Variants in ARHGAP40 observed in about 807,000 individuals in gnomAD.
ARHGAP40 encodes the protein rho GTPase-activating protein 40.
In ARHGAP40, 43 loss-of-function variants were observed where a neutral mutation model predicts 73.5. The ratio of observed to expected loss-of-function variants is 0.58; its 90% CI spans 0.46 to 0.75. The LOEUF is 0.75. Ranked by LOEUF, ARHGAP40 falls within the 30% of genes least tolerant of loss-of-function variation. ARHGAP40 has a pLI of 0.00. For missense variants in ARHGAP40, 734 were observed against 861.8 expected, an observed-to-expected ratio of 0.85 and a Z score of 1.86; for synonymous variants, 300 against 352.8, an observed-to-expected ratio of 0.85 and a Z score of 1.68.
At chr20:38,603,451 A>ATCTGTCTG (rs138035816) in intron 1 of ARHGAP40, among the ~76,000 whole-genome samples, 8 of 150,126 alleles carry the variant, frequency 5.3e-5, no homozygotes, top group Non-Finnish European at 5.9e-5. Flanking sequence ...CTATCTATCT[A>ATCTGTCTG]TCTATCTATC....
intron 3 of ARHGAP40, among the ~76,000 whole-genome samples, chr20:38,628,335 C>T (rs954210032): frequency 6.0e-5 from 9 of 150,572 alleles, no homozygotes; most frequent in South Asian, 2.1e-4. Context: ...GACTGAGCCT[C>T]GCTCTGTCGC....
At chr20:38,649,814 A>C (rs560493158) in exon 15 of ARHGAP40, 2 of 1,305,292 alleles carry the variant, frequency 1.5e-6, no homozygotes, top group Non-Finnish European at 2.0e-6. Context: ...GCCAACCCGC[A>C]TGGTGAGTGG....
intron 1 of ARHGAP40, among the ~76,000 whole-genome samples, chr20:38,608,968 G>T (rs2088789105): frequency 6.6e-6 from 1 of 152,148 alleles, no homozygotes; most frequent in Admixed American, 6.5e-5. Context: ...CATCTCTCTG[G>T]TTTTCACTCT....
chr20:38,608,552 T>TA (rs1266330026), intron 1 of ARHGAP40, among the ~76,000 whole-genome samples: 2 of 152,198 alleles, frequency 1.3e-5, no homozygotes, highest in African/African-American at 4.8e-5. Context: ...GCCTTCTGTA[T>TA]ACTATCACAC....
chr20:38,606,170 C>T (rs2088769678), intron 1 of ARHGAP40, among the ~76,000 whole-genome samples: 1 of 152,150 alleles, frequency 6.6e-6, no homozygotes, highest in Admixed American at 6.5e-5. Context: ...CTTACGTTAT[C>T]CTCTTTAAAG....
At chr20:38,603,913 C>T (rs2088755403) in intron 1 of ARHGAP40, among the ~76,000 whole-genome samples, 1 of 152,232 alleles carries the variant, frequency 6.6e-6, no homozygotes, top group Non-Finnish European at 1.5e-5. Flanking sequence ...GACTCTCCTG[C>T]CTCCCTCTTT....
At chr20:38,641,606 A>G in intron 9 of ARHGAP40, 120 bp from the exon 10 acceptor site, 1 of 633,008 alleles carries the variant, frequency 1.6e-6, no homozygotes, top group Non-Finnish European at 2.4e-6. Context: ...ACCTTATGAA[A>G]AAAGGGATTC....
intron 1 of ARHGAP40, among the ~76,000 whole-genome samples, chr20:38,619,480 A>G (rs1304791282): frequency 2.0e-5 from 3 of 151,720 alleles, no homozygotes; most frequent in African/African-American, 7.3e-5. Flanking sequence ...GAGACACCAA[A>G]AAGGGTGTGA....
At chr20:38,627,303 A>G in intron 3 of ARHGAP40, 88 bp downstream of exon 3, 9 of 1,182,794 alleles carry the variant, frequency 7.6e-6, no homozygotes, top group Non-Finnish European at 9.0e-6. Flanking sequence ...GATCCTGCTG[A>G]AGGGCTGTGT....
chr20:38,638,883 A>C, intron 8 of ARHGAP40, 45 bp downstream of exon 8: 1 of 1,285,410 alleles, frequency 7.8e-7, no homozygotes, highest in Non-Finnish European at 1.0e-6. Context: ...CATCTCCCCC[A>C]TGCTCACATG....
At chr20:38,634,010 T>A (rs1316932538) in intron 5 of ARHGAP40, among the ~76,000 whole-genome samples, 2 of 152,206 alleles carry the variant, frequency 1.3e-5, no homozygotes, top group Non-Finnish European at 2.9e-5. Context: ...CGCTATGTGC[T>A]TGGGACTGTA....
chr20:38,603,926 T>C (rs2088755490), intron 1 of ARHGAP40, among the ~76,000 whole-genome samples: 1 of 152,240 alleles, frequency 6.6e-6, no homozygotes. Context: ...CCCTCTTTCA[T>C]TGATAAGGAT....
chr20:38,641,493 A>C (rs559487366), intron 9 of ARHGAP40, among the ~76,000 whole-genome samples: 21 of 152,204 alleles, frequency 1.4e-4, no homozygotes, highest in Non-Finnish European at 1.0e-4. Context: ...CTGCACATGC[A>C]TGCGTGTGTT....
Position 38,646,568 on chromosome 20 carries a change from G to C in ARHGAP40, c.1710+381G>C, listed in dbSNP as rs1024933538. ...CCAAAAATACTGAGTATTCCTAGGA[G>C]GGGTCCTGAACACGGTTCCTTATTA... On this transcript the variant is annotated intron_variant, in intron 12 of 14. Transcript: ENST00000373345. The surrounding 1 kb of genome is among the most constrained non-coding windows in gnomAD (Gnocchi z 4.5). Among the ~76,000 whole-genome samples the C allele has an allele frequency of 3.9e-5, 6 of 152,318 alleles. No homozygotes were observed. The South Asian group carries it at 1.2e-3, about 32-fold the overall frequency.
intron 2 of ARHGAP40, among the ~76,000 whole-genome samples, chr20:38,624,877 G>A (rs1413129751): frequency 6.6e-6 from 1 of 152,244 alleles, no homozygotes; most frequent in Non-Finnish European, 1.5e-5. Context: ...CACTGTGCAT[G>A]TGTCTGTGAC....
At chr20:38,639,352 G>A (rs553364935) in exon 9 of ARHGAP40, 52 of 1,305,534 alleles carry the variant, frequency 4.0e-5, no homozygotes, top group Middle Eastern at 2.1e-4. Context: ...CTTTGCTCAC[G>A]GCTGAGTACC....
intron 1 of ARHGAP40, among the ~76,000 whole-genome samples, chr20:38,617,066 C>T (rs953381741): frequency 2.0e-5 from 3 of 152,210 alleles, no homozygotes; most frequent in Admixed American, 2.0e-4. Context: ...AGGCTGCCCC[C>T]AAAGCCCTAT....
At chr20:38,622,329 G>A (rs2088877990) in intron 1 of ARHGAP40, among the ~76,000 whole-genome samples, 1 of 152,068 alleles carries the variant, frequency 6.6e-6, no homozygotes, top group Non-Finnish European at 1.5e-5. Context: ...CTTCTGGCAG[G>A]GGTAGTTTAT....
At position 38,648,625 on chromosome 20, in the gene ARHGAP40, TCTCTC is replaced by T; in HGVS notation, c.1881-17_1881-13del. 7.7e-7 allele frequency: 1 copy of T among 1,296,014 alleles called. No homozygotes were observed. The highest frequency in any genetic ancestry group is 1.3e-5 in the South Asian group (1 of 79,158). The allele number at this position is 1,296,014 out of a possible 1,614,324, so 80.3% of individuals were successfully genotyped here. On this transcript the variant is annotated splice_polypyrimidine_tract_variant and intron_variant, in intron 13 of 14. Transcript: ENST00000373345. ...GAAAAAGGCAGTAGTTTTTTTTTTC[TCTCTC>T]TCTGTTTTACAGCCATAGGTCCATG...
Sources: allele counts gnomAD v4.1 joint callset (sites outside exome capture counted in the v4.1 genomes callset), GRCh38; gene constraint gnomAD v4.1.1; non-coding constraint Gnocchi (gnomAD v3.1); transcripts MANE v1.5; gene names NCBI Gene and HGNC (gene_info 2026-07-23, HGNC 2026-07-21).